The following CFAP299 variants were observed in gnomAD, a reference collection of about 807,000 sequenced individuals.
CFAP299 encodes cilia- and flagella-associated protein 299.
A neutral mutation model predicts 27.0 loss-of-function variants in CFAP299; 21 were observed. The observed-to-expected ratio is 0.78, with a 90% CI of 0.55 to 1.12. CFAP299 has a LOEUF of 1.12. CFAP299 is among the 50% of genes most tolerant of loss of function. CFAP299 has a pLI of 0.00. For synonymous variants in CFAP299, 104 were observed against 98.1 expected (o/e 1.06, Z -0.36); for missense variants, 310 against 276.6 (o/e 1.12, Z -0.86).
At chr4:80,359,566 G>A (rs1236589849) in intron 1 of CFAP299, among the ~76,000 whole-genome samples, 4 of 152,050 alleles carry the variant, frequency 2.6e-5, no homozygotes, top group South Asian at 2.1e-4. Context: ...ATTTCAGAAA[G>A]CCAGTTTTCA....
At chr4:80,941,132 T>A (rs967607320) in intron 4 of CFAP299, among the ~76,000 whole-genome samples, 2 of 152,170 alleles carry the variant, frequency 1.3e-5, no homozygotes, top group African/African-American at 4.8e-5. Flanking sequence ...CCTAATACAA[T>A]GTAAATGTTG....
intron 3 of CFAP299, among the ~76,000 whole-genome samples, chr4:80,799,625 AAT>A (rs1728179506): frequency 4.0e-5 from 1 of 25,120 alleles, no homozygotes; most frequent in African/African-American, 1.2e-4. Context: ...TATATTTATA[AAT>A]ATATAATATA....
At chr4:80,755,511 C>T (rs1481967176) in intron 3 of CFAP299, among the ~76,000 whole-genome samples, 1 of 152,060 alleles carries the variant, frequency 6.6e-6, no homozygotes, top group African/African-American at 2.4e-5. Context: ...TTAGAGGATT[C>T]TACCATTTGA....
At chr4:80,657,777 T>C (rs7661696) in intron 3 of CFAP299, among the ~76,000 whole-genome samples, 1 of 152,068 alleles carries the variant, frequency 6.6e-6, no homozygotes, top group Admixed American at 6.6e-5. Flanking sequence ...AAGTCGATGG[T>C]AGCTTGATGG....
chr4:80,730,314 G>A (rs555099115), intron 3 of CFAP299, among the ~76,000 whole-genome samples: 10 of 134,522 alleles, frequency 7.4e-5, no homozygotes, highest in African/African-American at 2.6e-4. Context: ...CCTGACCTCC[G>A]GGCAGGCAGT....
At chr4:80,842,192 T>A (rs72881561) in intron 3 of CFAP299, among the ~76,000 whole-genome samples, 5,417 of 152,208 alleles carry the variant, frequency 0.036, 201 homozygotes, top group African/African-American at 0.099. Flanking sequence ...TTGAGCAATA[T>A]TCATGGGTTC....
chr4:80,853,672 C>G (rs1417343583), intron 3 of CFAP299, among the ~76,000 whole-genome samples: 1 of 152,036 alleles, frequency 6.6e-6, no homozygotes, highest in Non-Finnish European at 1.5e-5. Context: ...GAAAAATATG[C>G]AAGAAACAGA....
chr4:80,734,428 T>G (rs1279707242), intron 3 of CFAP299, among the ~76,000 whole-genome samples: 3 of 152,130 alleles, frequency 2.0e-5, no homozygotes, highest in African/African-American at 7.2e-5. Flanking sequence ...TCTCTTCACT[T>G]TGTTGATTAT....
chr4:80,442,828 T>C (rs138577731), intron 2 of CFAP299, among the ~76,000 whole-genome samples: 11 of 151,886 alleles, frequency 7.2e-5, no homozygotes, highest in African/African-American at 2.4e-4. Flanking sequence ...AAGAATCAAA[T>C]AGACACAATA....
chr4:80,414,202 C>T (rs1051715803), intron 2 of CFAP299, among the ~76,000 whole-genome samples: 2 of 149,600 alleles, frequency 1.3e-5, no homozygotes, highest in Admixed American at 6.7e-5. Context: ...TCCCAAGTAG[C>T]TGGGACTACA....
intron 3 of CFAP299, among the ~76,000 whole-genome samples, chr4:80,779,072 T>A (rs1211653481): frequency 2.0e-5 from 3 of 152,094 alleles, no homozygotes; most frequent in African/African-American, 7.2e-5. Context: ...AGAACAAGCT[T>A]AGAAGGCAGA....
intron 1 of CFAP299, among the ~76,000 whole-genome samples, chr4:80,346,857 C>A (rs577755425): frequency 7.9e-5 from 12 of 152,220 alleles, no homozygotes; most frequent in Middle Eastern, 3.4e-3. Flanking sequence ...TATAAATTAC[C>A]TTGGGCAGTA....
chr4:80,449,735 T>C (rs1290514675), intron 2 of CFAP299, among the ~76,000 whole-genome samples: 1 of 151,882 alleles, frequency 6.6e-6, no homozygotes, highest in Non-Finnish European at 1.5e-5. Context: ...TTTTGTATCA[T>C]TTCTAAGAAT....
At chr4:80,447,131 T>TTTTTTG (rs1728663625) in intron 2 of CFAP299, among the ~76,000 whole-genome samples, 1 of 103,790 alleles carries the variant, frequency 9.6e-6, no homozygotes, top group East Asian at 2.8e-4. Context: ...TTTTTTTTTG[T>TTTTTTG]TTTTTTTTTT....
chr4:80,631,854 T>G (rs2109947684), intron 3 of CFAP299, among the ~76,000 whole-genome samples: 1 of 62,096 alleles, frequency 1.6e-5, no homozygotes, highest in South Asian at 1.2e-3. Context: ...AGTCTGAATA[T>G]TTGTGCCCCA....
chr4:80,460,418 T>C (rs1481344956), intron 2 of CFAP299, among the ~76,000 whole-genome samples: 3 of 152,122 alleles, frequency 2.0e-5, no homozygotes, highest in Non-Finnish European at 2.9e-5. Flanking sequence ...ACAAATATTA[T>C]ATATTTTGGG....
At chr4:80,725,047 C>T (rs945635022) in intron 3 of CFAP299, among the ~76,000 whole-genome samples, 5 of 150,222 alleles carry the variant, frequency 3.3e-5, no homozygotes, top group African/African-American at 7.4e-5. Context: ...CAGGTTCAGG[C>T]GATTGTCCTG....
chr4:80,374,974 G>T (rs1026504139), intron 2 of CFAP299, among the ~76,000 whole-genome samples: 1 of 151,722 alleles, frequency 6.6e-6, no homozygotes, highest in African/African-American at 2.4e-5. Flanking sequence ...TATTCGACTT[G>T]CCCACTTCAT....
chr4:80,915,334 C>G lies in CFAP299; in HGVS notation c.477-29476C>G, dbSNP rs1034543549. Among the ~76,000 whole-genome samples, 3 of 151,858 alleles carry G rather than the reference C, an allele frequency of 2.0e-5. No homozygotes were observed. In the East Asian group the frequency reaches 5.8e-4, roughly 29 times the overall value. On this transcript the variant is annotated intron_variant, in intron 4 of 5. Transcript: ENST00000358105. ...GAATTTTCTCTAGCTTGCGTAGTTT[C>G]TGATGGATACCTTTTGTAATTCTTA... is the stretch of plus-strand genomic sequence containing the variant.
Sources: gnomAD v4.1 joint callset for allele counts (sites outside exome capture counted in the v4.1 genomes callset) on GRCh38, gnomAD v4.1.1 for gene constraint, MANE v1.5 for transcripts, NCBI Gene and HGNC (gene_info 2026-07-23, HGNC 2026-07-21) for gene names.